Variants in PPIL3 observed in about 807,000 individuals in gnomAD.
PPIL3 encodes peptidyl-prolyl cis-trans isomerase-like 3.
A neutral mutation model predicts 20.9 loss-of-function variants in PPIL3; 13 were observed. That is an observed-to-expected ratio of 0.62 (90% confidence interval 0.40 to 0.99). The LOEUF (loss-of-function observed/expected upper bound fraction) is 0.99, where lower values mean the gene tolerates loss of function less well. Among genes scored for constraint, PPIL3 ranks in the 50% least tolerant of loss-of-function variants. The pLI is 0.00. For missense variants in PPIL3, 170 were observed against 195.2 expected, an observed-to-expected ratio of 0.87 and a Z score of 0.77; for synonymous variants, 71 against 64.4, an observed-to-expected ratio of 1.10 and a Z score of -0.49.
At chr2:200,875,432 T>C (rs2039473809) in intron 6 of PPIL3, among the ~76,000 whole-genome samples, 1 of 152,140 alleles carries the variant, frequency 6.6e-6, no homozygotes, top group Non-Finnish European at 1.5e-5. Context: ...CGCACCCAGC[T>C]AATTTTTGTA....
Position 200,871,445 on chromosome 2 carries a change from CATT to C in PPIL3, c.433_435del (p.Asn145del). The C allele has an allele frequency of 6.2e-7, 1 of 1,610,490 alleles. No individual in the cohort carries two copies. The highest frequency in any genetic ancestry group is 8.5e-7 in the Non-Finnish European group (1 of 1,176,854). ...ATAGTTATGTCCTTAATGTGTACAT[CATT>C]AAGAGGTCGGTATGTCTTCTCATTT... On this transcript the variant is annotated inframe_deletion, in exon 7 of 7. Transcript: ENST00000392283.
intron 6 of PPIL3, among the ~76,000 whole-genome samples, chr2:200,872,281 T>C (rs905204175): frequency 6.6e-6 from 1 of 152,106 alleles, no homozygotes; most frequent in Non-Finnish European, 1.5e-5. Context: ...AGGAGATGCA[T>C]AGGGCAAAGT....
chr2:200,881,527 T>A (rs985935757), intron 4 of PPIL3, 39 bp from the exon 5 acceptor site: 4 of 1,553,938 alleles, frequency 2.6e-6, no homozygotes, highest in Non-Finnish European at 3.5e-6. Flanking sequence ...AAGTATTTAA[T>A]TAAATTGAAA....
intron 2 of PPIL3, 68 bp from the exon 3 acceptor site, chr2:200,885,840 C>T: frequency 2.2e-6 from 2 of 918,066 alleles, no homozygotes; most frequent in Non-Finnish European, 3.4e-6. Context: ...TGTTTATTTC[C>T]CTGTGTGGAT....
At chr2:200,874,032 C>A (rs571909105) in intron 6 of PPIL3, among the ~76,000 whole-genome samples, 1 of 150,882 alleles carries the variant, frequency 6.6e-6, no homozygotes, top group Non-Finnish European at 1.5e-5. Context: ...GGTGAAACCC[C>A]GTCTCTACTA....
At chr2:200,880,142 G>A (rs765687781) in intron 5 of PPIL3, among the ~76,000 whole-genome samples, 17 of 152,046 alleles carry the variant, frequency 1.1e-4, no homozygotes, top group Non-Finnish European at 2.1e-4. Context: ...AGCTACTCTG[G>A]AGGCTGAGGT....
chr2:200,871,592 T>C, intron 6 of PPIL3, 71 bp from the exon 7 acceptor site: 2 of 1,313,532 alleles, frequency 1.5e-6, no homozygotes, highest in Non-Finnish European at 1.0e-6. Flanking sequence ...CTATGACAAT[T>C]ACAGTCTCCT....
chr2:200,884,229 C>G (rs1219786825), intron 3 of PPIL3, among the ~76,000 whole-genome samples: 3 of 151,944 alleles, frequency 2.0e-5, no homozygotes, highest in Non-Finnish European at 4.4e-5. Flanking sequence ...ATGGTGAAAC[C>G]CCATCTCTAC....
In PPIL3 at chr2:200,889,059, G is replaced by T. The variant is rs773577076; in HGVS notation, c.-174C>A. On this transcript the variant is annotated 5_prime_UTR_variant, in exon 1 of 7. Coordinates refer to ENST00000392283, the MANE Select transcript of PPIL3 (RefSeq NM_130906.3). ...TGGTTCAAAATTATAGTTTCTTTGGGCCAGCGGAAGTTGGGCGCGGGACCC... is the reference window on the plus strand; with the variant it reads ...TGGTTCAAAATTATAGTTTCTTTGGTCCAGCGGAAGTTGGGCGCGGGACCC... 3 of 471,044 alleles carry T rather than the reference G, an allele frequency of 6.4e-6. No homozygotes were observed. The highest frequency in any genetic ancestry group is 4.6e-5 in the South Asian group (3 of 64,578). 29.2% of individuals were successfully genotyped at this position (471,044 alleles called of 1,614,324 possible). A position where few individuals can be genotyped will look rare whatever the true frequency, so the allele number is the denominator to read the frequency against.
Position 200,882,349 on chromosome 2 carries a change from A to G in PPIL3, c.165T>C (p.Asp55=). Residue 55 remains aspartate (D), a synonymous_variant, in exon 4 of 7, where the codon GAT becomes GAC. Transcript: ENST00000392283. ...GTTAATGGAATAACTTACCTGTTGG[A>G]TCTCCTGTTTGAACCATGAAACCCT... The part of the protein sequence containing the change: ...NIKGFMVQTG[D]PTGTGRGGNS... The G allele has an allele frequency of 6.3e-7, 1 of 1,579,904 alleles. No individual in the cohort carries two copies. The highest frequency in any genetic ancestry group is 8.7e-7 in the Non-Finnish European group (1 of 1,148,862).
chr2:200,888,984 C>A lies in PPIL3; in HGVS notation c.-99G>T, dbSNP rs1302118285. On this transcript the variant is annotated 5_prime_UTR_variant, in exon 1 of 7. Transcript: ENST00000392283. ...GGCTTCACCACTTCGTCTAGCACAGCCGTTGTTAAAACAGGAAAAATGCAA... is the reference window on the plus strand; with the variant it reads ...GGCTTCACCACTTCGTCTAGCACAGACGTTGTTAAAACAGGAAAAATGCAA... The A allele has an allele frequency of 2.1e-6, 1 of 471,190 alleles. No individual in the cohort carries two copies. Among genetic ancestry groups the A allele is most frequent in the Non-Finnish European group, 4.4e-6 (1 of 227,062 alleles). The allele number at this position is 471,190 out of a possible 1,614,324, so 29.2% of individuals were successfully genotyped here. A position where few individuals can be genotyped will look rare whatever the true frequency, so the allele number is the denominator to read the frequency against.
At chr2:200,880,337 A>C (rs933602442) in intron 5 of PPIL3, among the ~76,000 whole-genome samples, 1 of 151,940 alleles carries the variant, frequency 6.6e-6, no homozygotes, top group Admixed American at 6.6e-5. Context: ...TTTTTTCAGA[A>C]TTTTTGTGGG....
intron 6 of PPIL3, among the ~76,000 whole-genome samples, chr2:200,873,701 C>T (rs1456025592): frequency 1.3e-5 from 2 of 148,350 alleles, no homozygotes; most frequent in African/African-American, 2.5e-5. Context: ...CTCTTGACCT[C>T]GTGATCTGCC....
intron 6 of PPIL3, among the ~76,000 whole-genome samples, chr2:200,875,274 G>GTT (rs910211564): frequency 3.4e-5 from 5 of 145,994 alleles, no homozygotes; most frequent in African/African-American, 7.5e-5. Context: ...TTCTGGGAAA[G>GTT]TTTTTTTTTT....
At chr2:200,887,579 G>A (rs1575120675) in intron 2 of PPIL3, 34 bp downstream of exon 2, 3 of 1,526,366 alleles carry the variant, frequency 2.0e-6, no homozygotes, top group East Asian at 2.3e-5. Context: ...TACTTATAAT[G>A]AAAGACATTA....
At chr2:200,872,304 C>A (rs2039333768) in intron 6 of PPIL3, among the ~76,000 whole-genome samples, 1 of 152,052 alleles carries the variant, frequency 6.6e-6, no homozygotes, top group South Asian at 2.1e-4. Context: ...GAGAGAGGGG[C>A]ACAGCGCTTC....
chr2:200,887,754 G>T, intron 1 of PPIL3, 69 bp from the exon 2 acceptor site: 1 of 629,326 alleles, frequency 1.6e-6, no homozygotes, highest in Non-Finnish European at 2.6e-6. Flanking sequence ...CATCTTTACT[G>T]AACATTTTAA....
chr2:200,877,002 A>G lies in PPIL3; in HGVS notation c.276T>C (p.Asn92=), dbSNP rs367741112. The G allele has an allele frequency of 3.6e-5, 58 of 1,613,438 alleles. No individual in the cohort carries two copies. The highest frequency in any genetic ancestry group is 4.8e-5 in the Non-Finnish European group (57 of 1,179,432). The change falls in exon 6 of 7, where the codon AAT becomes AAC. Residue 92 remains asparagine (N), a synonymous_variant. Transcript: ENST00000392283. ...ACTGAGATCCATTGGTGTTCGGGCC[A>G]TTATTAGCCATAGATACAACACCTC... The part of the protein sequence containing the change: ...NVRGVVSMAN[N]GPNTNGSQFF...
chr2:200,877,747 T>A (rs553567812), intron 5 of PPIL3: 1 of 152,312 alleles, frequency 6.6e-6, no homozygotes, highest in East Asian at 1.9e-4. Flanking sequence ...AGGCTATCTC[T>A]TGATTAATGA....
Sources: allele counts gnomAD v4.1 joint callset (sites outside exome capture counted in the v4.1 genomes callset), GRCh38; gene constraint gnomAD v4.1.1; transcripts MANE v1.5; gene names NCBI Gene and HGNC (gene_info 2026-07-23, HGNC 2026-07-21).